PTPRT: variants seen among roughly 807,000 people sequenced by gnomAD.
PTPRT encodes the protein protein tyrosine phosphatase receptor type T.
PTPRT carries 56 observed loss-of-function variants against 176.8 expected under a neutral mutation model. That is an observed-to-expected ratio of 0.32 (90% CI 0.26 to 0.40). PTPRT has a LOEUF of 0.40. Among genes scored for constraint, PTPRT ranks in the 10% least tolerant of loss-of-function variants. PTPRT has a pLI of 1.00. For synonymous variants in PTPRT, 783 were observed against 739.0 expected, an observed-to-expected ratio of 1.06 and a Z score of -0.96; for missense variants, 1,540 against 1,908.2, an observed-to-expected ratio of 0.81 and a Z score of 3.60.
chr20:42,341,899 G>C (rs1289533370), intron 11 of PTPRT, among the ~76,000 whole-genome samples: 1 of 152,136 alleles, frequency 6.6e-6, no homozygotes, highest in African/African-American at 2.4e-5. Context: ...CCAAACACCT[G>C]TTTTTCCTCC....
At chr20:43,071,929 C>T (rs2011186236) in intron 1 of PTPRT, among the ~76,000 whole-genome samples, 2 of 152,254 alleles carry the variant, frequency 1.3e-5, no homozygotes, top group East Asian at 3.8e-4. Flanking sequence ...CAGTCAGTCA[C>T]CATTGTTTTC....
At chr20:42,262,937 GT>G (rs1170785434) in intron 13 of PTPRT, among the ~76,000 whole-genome samples, 10 of 152,172 alleles carry the variant, frequency 6.6e-5, no homozygotes, top group African/African-American at 2.2e-4. Flanking sequence ...GCCAGTAAAG[GT>G]TTTGCAGAGA....
At chr20:42,374,985 G>A (rs1043457968) in intron 9 of PTPRT, among the ~76,000 whole-genome samples, 1 of 152,098 alleles carries the variant, frequency 6.6e-6, no homozygotes, top group Non-Finnish European at 1.5e-5. Flanking sequence ...TTACAAATAA[G>A]AATCTATTCC....
At chr20:42,942,071 A>G (rs919936306) in intron 1 of PTPRT, among the ~76,000 whole-genome samples, 2 of 152,288 alleles carry the variant, frequency 1.3e-5, no homozygotes, top group African/African-American at 4.8e-5. Context: ...AAGAATACTC[A>G]GGCTGCAGAA....
chr20:42,180,620 C>A (rs1047836228), intron 16 of PTPRT, among the ~76,000 whole-genome samples: 1 of 152,138 alleles, frequency 6.6e-6, no homozygotes, highest in Non-Finnish European at 1.5e-5. Flanking sequence ...ATTAAAAGTG[C>A]ATAATATGTC....
chr20:42,101,246 T>G (rs1985908315), intron 26 of PTPRT, among the ~76,000 whole-genome samples: 1 of 152,168 alleles, frequency 6.6e-6, no homozygotes, highest in South Asian at 2.1e-4. Flanking sequence ...AGAAATGAAT[T>G]CCAGAGTGTG....
chr20:42,902,685 T>G (rs143040509), intron 1 of PTPRT, among the ~76,000 whole-genome samples: 2,106 of 152,290 alleles, frequency 0.014, 24 homozygotes, highest in Non-Finnish European at 0.02. Flanking sequence ...GACAAGATTT[T>G]GCAAAATTGG....
intron 7 of PTPRT, among the ~76,000 whole-genome samples, chr20:42,673,185 T>C (rs1427809966): frequency 6.6e-5 from 10 of 152,138 alleles, no homozygotes; most frequent in African/African-American, 2.2e-4. Context: ...ATTTAACCGA[T>C]TGGTGACCTT....
chr20:42,276,496 AATATATATATATAT>A (rs61484693), intron 13 of PTPRT, among the ~76,000 whole-genome samples: 80 of 44,154 alleles, frequency 1.8e-3, no homozygotes, highest in Admixed American at 3.4e-3. Context: ...GAAAGAAGGA[AATATATATATATAT>A]ATATATATAT....
intron 2 of PTPRT, among the ~76,000 whole-genome samples, chr20:42,850,128 T>A (rs749808572): frequency 3.7e-4 from 56 of 152,176 alleles, no homozygotes; most frequent in Non-Finnish European, 2.8e-4. Flanking sequence ...TTTCTCCTAA[T>A]CAAAGCAAGT....
chr20:43,096,924 G>A (rs1243212842), intron 1 of PTPRT, among the ~76,000 whole-genome samples: 1 of 152,186 alleles, frequency 6.6e-6, no homozygotes, highest in African/African-American at 2.4e-5. Flanking sequence ...CCAGCACACA[G>A]GCAGGATTGC....
At chr20:42,936,752 G>C (rs573081028) in intron 1 of PTPRT, among the ~76,000 whole-genome samples, 1 of 152,292 alleles carries the variant, frequency 6.6e-6, no homozygotes, top group South Asian at 2.1e-4. Context: ...CTAAGGATTT[G>C]CTGATGGGTT....
chr20:42,511,791 C>A (rs1009037345), intron 7 of PTPRT, among the ~76,000 whole-genome samples: 2 of 151,838 alleles, frequency 1.3e-5, no homozygotes, highest in African/African-American at 4.8e-5. Context: ...GAAAGGGCTA[C>A]ACCCTGGGCC....
At chr20:42,268,116 C>T (rs974154070) in intron 13 of PTPRT, among the ~76,000 whole-genome samples, 2 of 152,032 alleles carry the variant, frequency 1.3e-5, no homozygotes, top group Admixed American at 6.6e-5. Flanking sequence ...GTCTAATATC[C>T]CCATCACTCA....
intron 2 of PTPRT, among the ~76,000 whole-genome samples, chr20:42,865,256 A>C (rs987701971): frequency 3.3e-5 from 5 of 152,218 alleles, no homozygotes; most frequent in Admixed American, 6.5e-5. Context: ...TGGAGCCCAG[A>C]GAGACTAAGC....
chr20:42,940,638 G>T (rs780760865), intron 1 of PTPRT, among the ~76,000 whole-genome samples: 2 of 152,090 alleles, frequency 1.3e-5, no homozygotes, highest in Non-Finnish European at 2.9e-5. Flanking sequence ...AAGAAAAAAA[G>T]CTCACACCTA....
chr20:42,651,658 C>T (rs997501012), intron 7 of PTPRT, among the ~76,000 whole-genome samples: 2 of 152,120 alleles, frequency 1.3e-5, no homozygotes. Flanking sequence ...ACACTGGAAG[C>T]TTCATCTAGG....
chr20:42,976,476 G>T (rs1170631753), intron 1 of PTPRT, among the ~76,000 whole-genome samples: 1 of 151,918 alleles, frequency 6.6e-6, no homozygotes, highest in Non-Finnish European at 1.5e-5. Flanking sequence ...TGCAATCTCG[G>T]CTTAGTGCAA....
chr20:42,299,418 C>G (rs912807754), intron 12 of PTPRT, among the ~76,000 whole-genome samples: 10 of 151,984 alleles, frequency 6.6e-5, no homozygotes, highest in African/African-American at 1.9e-4. Flanking sequence ...GAAGAGAGAA[C>G]AGAAAATATA....
Sources: gnomAD v4.1 joint callset for allele counts (sites outside exome capture counted in the v4.1 genomes callset) on GRCh38, gnomAD v4.1.1 for gene constraint, MANE v1.5 for transcripts, NCBI Gene and HGNC (gene_info 2026-07-23, HGNC 2026-07-21) for gene names.